Variants in FRMD4A observed in about 807,000 individuals in gnomAD.
FRMD4A encodes the protein FERM domain containing 4A.
Under a neutral mutation model 129.1 loss-of-function variants are expected in FRMD4A, and 29 were observed. The ratio of observed to expected loss-of-function variants is 0.22; its 90% CI spans 0.17 to 0.31. The LOEUF is 0.31. Ranked by LOEUF, FRMD4A falls within the 10% of genes least tolerant of loss-of-function variation. The pLI is 1.00. For synonymous variants in FRMD4A, 634 were observed against 571.6 expected, an observed-to-expected ratio of 1.11 and a Z score of -1.56; for missense variants, 1,272 against 1,375.8, an observed-to-expected ratio of 0.92 and a Z score of 1.19.
intron 22 of FRMD4A, chr10:13,655,149 G>C (rs891647061): frequency 2.6e-5 from 4 of 152,256 alleles, no homozygotes; most frequent in Non-Finnish European, 4.4e-5. Context: ...AGATTTAGTA[G>C]GAAGTCAATC....
chr10:14,040,639 C>T (rs867765995), intron 2 of FRMD4A, among the ~76,000 whole-genome samples: 3 of 152,288 alleles, frequency 2.0e-5, no homozygotes, highest in South Asian at 4.1e-4. Flanking sequence ...ATGGTGCCTG[C>T]GACCAGAATC....
At position 14,145,566 on chromosome 10, in the gene FRMD4A, T is replaced by C. The variant is rs150164896; in HGVS notation, c.45+184492A>G. Among the ~76,000 whole-genome samples, 44 of 152,290 alleles carry C rather than the reference T, an allele frequency of 2.9e-4. No individual in the cohort carries two copies. The East Asian group carries it at 7.5e-3, about 26-fold the overall frequency. ...ACATACACAAATGATTTAAAAATCA[T>C]GACAAGGTGATTTCGCAGATATTAT... On this transcript the variant is annotated intron_variant, in intron 2 of 24. Coordinates refer to ENST00000357447, the MANE Select transcript of FRMD4A (RefSeq NM_018027.5).
At chr10:14,018,775 T>C (rs1337267234) in intron 2 of FRMD4A, among the ~76,000 whole-genome samples, 1 of 152,198 alleles carries the variant, frequency 6.6e-6, no homozygotes, top group African/African-American at 2.4e-5. Context: ...ACAGGAAGGA[T>C]GGTCCTATTA....
chr10:14,083,954 T>C (rs981341512), intron 2 of FRMD4A: 2 of 152,110 alleles, frequency 1.3e-5, no homozygotes, highest in East Asian at 1.9e-4. Flanking sequence ...CTGGAGTGAA[T>C]AAAGACTCAT....
chr10:13,849,251 G>A (rs867074672), intron 3 of FRMD4A, among the ~76,000 whole-genome samples: 16 of 152,116 alleles, frequency 1.1e-4, no homozygotes, highest in Non-Finnish European at 1.8e-4. Context: ...TTCTGCACAC[G>A]CCTTCCCAGC....
intron 10 of FRMD4A, 27 bp from the exon 11 acceptor site, chr10:13,740,278 AACACAC>A: frequency 1.3e-6 from 2 of 1,526,002 alleles, no homozygotes; most frequent in Non-Finnish European, 1.8e-6. Context: ...AAGATACACA[AACACAC>A]ACACAATGCG....
Position 13,757,269 on chromosome 10 carries a change from A to G in FRMD4A, c.464+4378T>C, listed in dbSNP as rs191582312. Among the ~76,000 whole-genome samples, 5 of 152,346 alleles carry G rather than the reference A, an allele frequency of 3.3e-5. No individual in the cohort carries two copies. In the South Asian group the frequency reaches 6.2e-4, roughly 19 times the overall value. Reference sequence around the variant, plus strand: ...GACTTCCTGATTGTCGACAGACATGAGGTTTTTTGTTTTACATGTATATAC... The same window carrying G: ...GACTTCCTGATTGTCGACAGACATGGGGTTTTTTGTTTTACATGTATATAC... On this transcript the variant is annotated intron_variant, in intron 8 of 24. Transcript: ENST00000357447.
intron 2 of FRMD4A, among the ~76,000 whole-genome samples, chr10:14,126,513 G>A (rs929448440): frequency 1.3e-5 from 2 of 151,992 alleles, no homozygotes; most frequent in Middle Eastern, 3.2e-3. Context: ...CAGTCCCTCC[G>A]CTTTCTCCAT....
At chr10:13,958,525 C>T (rs1475438652) in intron 2 of FRMD4A, among the ~76,000 whole-genome samples, 8 of 151,708 alleles carry the variant, frequency 5.3e-5, no homozygotes, top group African/African-American at 1.2e-4. Flanking sequence ...CCTTGTGATC[C>T]GCCCGCCTCG....
intron 15 of FRMD4A, among the ~76,000 whole-genome samples, chr10:13,678,599 T>TGCGCAC (rs1394733103): frequency 1.3e-5 from 2 of 152,242 alleles, no homozygotes; most frequent in African/African-American, 2.4e-5. Flanking sequence ...TGAGCATGTG[T>TGCGCAC]GCGCACGCGC....
intron 2 of FRMD4A, among the ~76,000 whole-genome samples, chr10:13,996,185 C>T (rs915144123): frequency 6.6e-6 from 1 of 152,234 alleles, no homozygotes; most frequent in African/African-American, 2.4e-5. Flanking sequence ...AAGGCCCCAT[C>T]TCTTAATGCC....
At chr10:13,754,262 G>T (rs55830730) in intron 8 of FRMD4A, among the ~76,000 whole-genome samples, 2 of 150,486 alleles carry the variant, frequency 1.3e-5, no homozygotes, top group African/African-American at 4.9e-5. Context: ...TAAGCAATTC[G>T]CATAGAATTT....
intron 2 of FRMD4A, among the ~76,000 whole-genome samples, chr10:14,017,255 A>T (rs1296298148): frequency 6.6e-6 from 1 of 152,170 alleles, no homozygotes. Flanking sequence ...GGCTGTGTAG[A>T]TTGGCTTTCA....
Position 13,659,294 on chromosome 10 carries a change from G to C in FRMD4A, c.2066+29C>G, listed in dbSNP as rs776829075. The C allele has an allele frequency of 2.7e-5, 44 of 1,603,618 alleles. No homozygotes were observed. The South Asian group carries it at 4.6e-4, about 17-fold the overall frequency. On this transcript the variant is annotated intron_variant, in intron 21 of 24. Coordinates refer to ENST00000357447, the MANE Select transcript of FRMD4A (RefSeq NM_018027.5). ...GCCCAATTTTAAAAAGGAAGGCTTG[G>C]TCTGAGCAGGAAGGCCAGGCAGACT...
chr10:14,207,434 A>G (rs1842814579), intron 2 of FRMD4A, among the ~76,000 whole-genome samples: 4 of 152,152 alleles, frequency 2.6e-5, no homozygotes. Context: ...CAGTGGGAGA[A>G]TCATGGACTG....
chr10:14,192,205 T>C (rs769621921), intron 2 of FRMD4A, among the ~76,000 whole-genome samples: 2 of 152,212 alleles, frequency 1.3e-5, no homozygotes, highest in Non-Finnish European at 2.9e-5. Context: ...GGATGGAGAA[T>C]AACATATCTA....
chr10:14,215,316 A>G (rs551126180), intron 2 of FRMD4A, among the ~76,000 whole-genome samples: 13 of 152,210 alleles, frequency 8.5e-5, no homozygotes, highest in Non-Finnish European at 1.8e-4. Flanking sequence ...AAAGGATCCA[A>G]TATTTCTCAC....
intron 12 of FRMD4A, among the ~76,000 whole-genome samples, chr10:13,725,039 A>G (rs1178922502): frequency 4.6e-5 from 7 of 152,206 alleles, no homozygotes; most frequent in Admixed American, 3.9e-4. Flanking sequence ...TTCTTCTGGA[A>G]AACTGTTGCT....
chr10:14,125,602 G>A (rs1173916454), intron 2 of FRMD4A, among the ~76,000 whole-genome samples: 2 of 152,180 alleles, frequency 1.3e-5, no homozygotes, highest in Admixed American at 6.5e-5. Context: ...CCAAAGTGTG[G>A]TTATCTGACC....
Sources: gnomAD v4.1 joint callset for allele counts (sites outside exome capture counted in the v4.1 genomes callset) on GRCh38, gnomAD v4.1.1 for gene constraint, MANE v1.5 for transcripts, NCBI Gene and HGNC (gene_info 2026-07-23, HGNC 2026-07-21) for gene names.